The following ARHGEF33 variants were observed in gnomAD, a reference collection of about 807,000 sequenced individuals.
The protein encoded by ARHGEF33 is Rho guanine nucleotide exchange factor 33.
ARHGEF33 carries 72 observed loss-of-function variants against 101.9 expected under a neutral mutation model. The ratio of observed to expected loss-of-function variants is 0.71; its 90% CI spans 0.58 to 0.86. The LOEUF is 0.86. Ranked by LOEUF, ARHGEF33 falls within the 40% of genes least tolerant of loss-of-function variation. The pLI is 0.00. For missense variants in ARHGEF33, 1,169 were observed against 1,111.3 expected (o/e 1.05, Z -0.74); for synonymous variants, 499 against 442.5 (o/e 1.13, Z -1.60).
intron 2 of ARHGEF33, among the ~76,000 whole-genome samples, chr2:38,909,048 G>A (rs943074757): frequency 4.6e-5 from 7 of 152,110 alleles, no homozygotes; most frequent in Admixed American, 3.9e-4. Context: ...GCCAGGAGCT[G>A]GAGACAGAAA....
At chr2:38,893,572 G>C (rs1359976486) in intron 1 of ARHGEF33, among the ~76,000 whole-genome samples, 1 of 152,050 alleles carries the variant, frequency 6.6e-6, no homozygotes, top group Non-Finnish European at 1.5e-5. Context: ...TCTTTTCTCT[G>C]AAAATTTTAG....
chr2:38,960,688 C>T, intron 16 of ARHGEF33, 40 bp downstream of exon 16: 1 of 1,319,952 alleles, frequency 7.6e-7, no homozygotes, highest in African/African-American at 1.6e-5. Context: ...CGTCGACGGC[C>T]CCAGGCCTAG....
chr2:38,941,551 T>C (rs1052631603), intron 9 of ARHGEF33, among the ~76,000 whole-genome samples: 1 of 151,248 alleles, frequency 6.6e-6, no homozygotes, highest in African/African-American at 2.4e-5. Flanking sequence ...TTTTTCTTTT[T>C]CTTTTTTTTT....
rs552203261 is a variant in ARHGEF33 at position 38,900,902 on chromosome 2, C to G, written c.-86+5053C>G. Among the ~76,000 whole-genome samples, 6 of 152,228 alleles carry G rather than the reference C, an allele frequency of 3.9e-5. No homozygotes were observed. In the East Asian group the frequency reaches 1.2e-3, roughly 29 times the overall value. ...GAGGAAGGGTGGAAGAGGAGGCTCCCGAGAGCAGTACTCAGCTTCCTGTCC... is the reference window on the plus strand; with the variant it reads ...GAGGAAGGGTGGAAGAGGAGGCTCCGGAGAGCAGTACTCAGCTTCCTGTCC... On this transcript the variant is annotated intron_variant, in intron 2 of 17. Coordinates refer to ENST00000409978, the MANE Select transcript of ARHGEF33 (RefSeq NM_001145451.5).
intron 2 of ARHGEF33, among the ~76,000 whole-genome samples, chr2:38,908,476 G>T (rs1666441651): frequency 6.6e-6 from 1 of 152,184 alleles, no homozygotes; most frequent in South Asian, 2.1e-4. Flanking sequence ...GGTTGGTTTT[G>T]TGTGTGTGAC....
rs751965962 is a variant in ARHGEF33, at chr2:38,959,833, C to T, written c.1536-8C>T. ...ACAGCTCTTTTGTACTCTGTTTTCC[C>T]CCTAAAGACATCTGATGCCCCCAGT... On this transcript the variant is annotated splice_polypyrimidine_tract_variant and splice_region_variant and intron_variant, in intron 15 of 17. Coordinates refer to ENST00000409978, the MANE Select transcript of ARHGEF33 (RefSeq NM_001145451.5). The T allele has an allele frequency of 2.6e-6, 4 of 1,540,614 alleles. No homozygotes were observed. Among genetic ancestry groups the T allele is most frequent in the Non-Finnish European group, 3.5e-6 (4 of 1,140,274 alleles).
chr2:38,947,461 C>A (rs1252492772), intron 10 of ARHGEF33, among the ~76,000 whole-genome samples: 1 of 152,206 alleles, frequency 6.6e-6, no homozygotes, highest in East Asian at 1.9e-4. Flanking sequence ...CCAGTCACAG[C>A]TCACTGCAGC....
chr2:38,893,293 G>A (rs1406937015), intron 1 of ARHGEF33, among the ~76,000 whole-genome samples: 3 of 151,980 alleles, frequency 2.0e-5, no homozygotes, highest in Non-Finnish European at 4.4e-5. Flanking sequence ...CTCCTGAGTA[G>A]CTGGGATTAC....
chr2:38,929,955 T>A (rs1666958718), intron 6 of ARHGEF33, 125 bp downstream of exon 6: 2 of 752,906 alleles, frequency 2.7e-6, no homozygotes, highest in Non-Finnish European at 4.1e-6. Flanking sequence ...CAGCTTGGCA[T>A]GCGATGGAGG....
intron 2 of ARHGEF33, among the ~76,000 whole-genome samples, chr2:38,904,349 A>G (rs1224884048): frequency 2.0e-5 from 3 of 152,154 alleles, no homozygotes; most frequent in Admixed American, 6.5e-5. Flanking sequence ...ATCAGAAATG[A>G]GGCTGGAGGG....
At chr2:38,924,263 C>A (rs1666820699) in intron 4 of ARHGEF33, among the ~76,000 whole-genome samples, 1 of 152,118 alleles carries the variant, frequency 6.6e-6, no homozygotes, top group African/African-American at 2.4e-5. Context: ...ATATTTAGTT[C>A]TGGTGAATGT....
intron 9 of ARHGEF33, among the ~76,000 whole-genome samples, chr2:38,943,259 G>A (rs1189691335): frequency 6.6e-6 from 1 of 152,172 alleles, no homozygotes; most frequent in Non-Finnish European, 1.5e-5. Flanking sequence ...AGTGTCTGTG[G>A]ATCTTTTTCC....
At chr2:38,932,306 A>T (rs959998015) in intron 7 of ARHGEF33, among the ~76,000 whole-genome samples, 1 of 152,106 alleles carries the variant, frequency 6.6e-6, no homozygotes, top group Non-Finnish European at 1.5e-5. Flanking sequence ...TTGTATTTTT[A>T]GTAGAGACAG....
At chr2:38,906,363 G>C (rs1666390897) in intron 2 of ARHGEF33, among the ~76,000 whole-genome samples, 2 of 152,152 alleles carry the variant, frequency 1.3e-5, no homozygotes, top group Admixed American at 1.3e-4. Context: ...TTGAAATAAT[G>C]CAACAATAGA....
At chr2:38,949,250 T>C (rs1667530959) in intron 10 of ARHGEF33, among the ~76,000 whole-genome samples, 1 of 152,190 alleles carries the variant, frequency 6.6e-6, no homozygotes, top group African/African-American at 2.4e-5. Context: ...CATTTGACCC[T>C]GGGGAAATAT....
In ARHGEF33 at chr2:38,966,086, T is replaced by A; in HGVS notation, c.2424T>A (p.Asn808Lys). The A allele has an allele frequency of 1.3e-6, 2 of 1,551,658 alleles. No homozygotes were observed. Among genetic ancestry groups the A allele is most frequent in the Non-Finnish European group, 1.7e-6 (2 of 1,146,968 alleles). ...AACAAACATCTTTCAGCGATCAAAATCCCAGGCAAGACCAGAAGGGGGGCT... is the reference window on the plus strand; with the variant it reads ...AACAAACATCTTTCAGCGATCAAAAACCCAGGCAAGACCAGAAGGGGGGCT... ...ESEQTSFSDQNPRQDQKGGFR... is the reference protein window; with the variant it reads ...ESEQTSFSDQKPRQDQKGGFR... The change falls in exon 17 of 18, where the codon AAT becomes AAA. Residue 808 changes from asparagine to lysine, a missense_variant. Asn to Lys is a moderately conservative substitution (Grantham distance 94). Coordinates refer to ENST00000409978, the MANE Select transcript of ARHGEF33 (RefSeq NM_001145451.5).
At chr2:38,948,636 T>C (rs1232578092) in intron 10 of ARHGEF33, among the ~76,000 whole-genome samples, 5 of 152,044 alleles carry the variant, frequency 3.3e-5, no homozygotes, top group Non-Finnish European at 7.4e-5. Flanking sequence ...AGGAAATCGA[T>C]AATCCAAGAC....
At chr2:38,956,812 C>A in intron 13 of ARHGEF33, 87 bp from the exon 14 acceptor site, 2 of 1,436,220 alleles carry the variant, frequency 1.4e-6, no homozygotes, top group South Asian at 2.6e-5. Flanking sequence ...ATGAATCTCC[C>A]ACAATAGATC....
chr2:38,902,884 C>G (rs1666280944), intron 2 of ARHGEF33, among the ~76,000 whole-genome samples: 1 of 151,962 alleles, frequency 6.6e-6, no homozygotes, highest in Non-Finnish European at 1.5e-5. Flanking sequence ...GTATAGAGGC[C>G]AGGACTCCTC....
Sources: gnomAD v4.1 joint callset for allele counts (sites outside exome capture counted in the v4.1 genomes callset) on GRCh38, gnomAD v4.1.1 for gene constraint, MANE v1.5 for transcripts, NCBI Gene and HGNC (gene_info 2026-07-23, HGNC 2026-07-21) for gene names.